The following RFC1 variants were observed in gnomAD, a reference collection of about 807,000 sequenced individuals.
RFC1 encodes replication factor C subunit 1.
In RFC1, 37 loss-of-function variants were observed where a neutral mutation model predicts 137.4. The ratio of observed to expected loss-of-function variants is 0.27; its 90% CI spans 0.21 to 0.35. RFC1 has a LOEUF of 0.35. Among genes scored for constraint, RFC1 ranks in the 10% least tolerant of loss-of-function variants. The pLI is 1.00. For synonymous variants in RFC1, 429 were observed against 455.7 expected (o/e 0.94, Z 0.75); for missense variants, 1,205 against 1,358.5 (o/e 0.89, Z 1.78).
At chr4:39,332,067 C>G (rs1462651759) in intron 4 of RFC1, among the ~76,000 whole-genome samples, 1 of 152,236 alleles carries the variant, frequency 6.6e-6, no homozygotes, top group African/African-American at 2.4e-5. Flanking sequence ...TGTCTGCCGA[C>G]ACTTGAGACG....
At chr4:39,314,694 G>A (rs1470247848) in intron 10 of RFC1, among the ~76,000 whole-genome samples, 3 of 152,108 alleles carry the variant, frequency 2.0e-5, no homozygotes, top group African/African-American at 4.8e-5. Flanking sequence ...CCTTAAGGCC[G>A]ACCTTCTCGC....
chr4:39,354,309 T>C (rs1412576472), intron 1 of RFC1, among the ~76,000 whole-genome samples: 2 of 152,180 alleles, frequency 1.3e-5, no homozygotes, highest in Admixed American at 1.3e-4. Flanking sequence ...AGGTCAGCAA[T>C]TTGTCCTTAA....
At chr4:39,312,223 A>G (rs1034457841) in intron 11 of RFC1, among the ~76,000 whole-genome samples, 1 of 152,214 alleles carries the variant, frequency 6.6e-6, no homozygotes, top group African/African-American at 2.4e-5. Flanking sequence ...TGAGGACAAA[A>G]GTTAACACAA....
chr4:39,304,745 G>T, intron 15 of RFC1, 69 bp downstream of exon 15: 1 of 920,722 alleles, frequency 1.1e-6, no homozygotes, highest in Non-Finnish European at 1.8e-6. Flanking sequence ...GTTCAATACT[G>T]GTTACTGAAC....
At chr4:39,355,751 A>C (rs4975008) in intron 1 of RFC1, 138,240 of 152,360 alleles carry the variant, frequency 0.91, 64,227 homozygotes, top group East Asian at 1. Flanking sequence ...CCCCTGTAAT[A>C]CCAGCACTTT....
chr4:39,292,002 GT>G, intron 22 of RFC1, 150 bp from the exon 23 acceptor site: 2 of 639,702 alleles, frequency 3.1e-6, no homozygotes, highest in Non-Finnish European at 5.6e-6. Flanking sequence ...AGCTGGTGTA[GT>G]TTAGAAAGCC....
chr4:39,304,403 T>C (rs539038698), intron 15 of RFC1, among the ~76,000 whole-genome samples: 2 of 152,320 alleles, frequency 1.3e-5, no homozygotes, highest in East Asian at 3.9e-4. Flanking sequence ...GCCCCAAGCA[T>C]AATTACTTCT....
intron 7 of RFC1, chr4:39,321,703 TAA>T (rs1321456786): frequency 5.8e-6 from 1 of 173,694 alleles, no homozygotes; most frequent in African/African-American, 2.4e-5. Flanking sequence ...AGTTAAAAAC[TAA>T]AATCTAAATT....
rs143918810 is a variant in RFC1 at position 39,294,799 on chromosome 4, T to C, written c.2954+815A>G. Among the ~76,000 whole-genome samples, 98 of 152,300 alleles carry C rather than the reference T, an allele frequency of 6.4e-4. 2 individuals are homozygous for C. In the East Asian group the frequency reaches 0.014, roughly 21 times the overall value. The stretch of plus-strand genomic sequence containing the variant: ...AGGCAGATTACTTGAGGACAGGAGT[T>C]CAAGACCAGCTTGGGCAACACGATG... On this transcript the variant is annotated intron_variant, in intron 22 of 24. Coordinates refer to ENST00000349703, the MANE Select transcript of RFC1 (RefSeq NM_002913.5).
At chr4:39,356,816 T>C (rs1017032504) in intron 1 of RFC1, among the ~76,000 whole-genome samples, 3 of 152,220 alleles carry the variant, frequency 2.0e-5, no homozygotes, top group African/African-American at 4.8e-5. Context: ...AGATTTATAA[T>C]TGATGTTACT....
intron 4 of RFC1, among the ~76,000 whole-genome samples, chr4:39,332,821 A>C (rs1740166111): frequency 6.6e-6 from 1 of 152,224 alleles, no homozygotes; most frequent in African/African-American, 2.4e-5. Context: ...TGGGAAGATT[A>C]AATTTTTCTT....
intron 8 of RFC1, among the ~76,000 whole-genome samples, chr4:39,321,025 T>A (rs1739493799): frequency 6.6e-6 from 1 of 152,178 alleles, no homozygotes; most frequent in African/African-American, 2.4e-5. Flanking sequence ...GAAATCCACA[T>A]ATTGCACTAT....
chr4:39,323,091 T>C (rs746570094), intron 7 of RFC1: 89 of 247,658 alleles, frequency 3.6e-4, no homozygotes, highest in Non-Finnish European at 6.1e-4. Flanking sequence ...TAAAATAAAA[T>C]ATAAAAAGAA....
chr4:39,331,974 C>T (rs946110568), intron 4 of RFC1, among the ~76,000 whole-genome samples: 22 of 152,058 alleles, frequency 1.4e-4, no homozygotes, highest in Non-Finnish European at 2.8e-4. Context: ...GTCTTTCCTG[C>T]GCTGTTCTCG....
intron 21 of RFC1, among the ~76,000 whole-genome samples, chr4:39,299,570 G>A (rs1314297955): frequency 7.5e-6 from 1 of 133,740 alleles, no homozygotes; most frequent in Non-Finnish European, 1.5e-5. Flanking sequence ...CCAAGATCAC[G>A]CCACGGCACT....
At chr4:39,362,984 A>G (rs1467090279) in intron 1 of RFC1, among the ~76,000 whole-genome samples, 3 of 152,234 alleles carry the variant, frequency 2.0e-5, no homozygotes, top group Admixed American at 2.0e-4. Flanking sequence ...TCCACATAGT[A>G]AACCATGATG....
intron 19 of RFC1, among the ~76,000 whole-genome samples, chr4:39,300,923 G>A (rs1196057677): frequency 2.6e-5 from 4 of 151,674 alleles, no homozygotes; most frequent in African/African-American, 9.7e-5. Flanking sequence ...GTAAAACCTC[G>A]TCTCTACTAA....
Position 39,304,922 on chromosome 4 carries a change from C to T in RFC1, c.2002G>A (p.Gly668Arg). The T allele has an allele frequency of 6.3e-7, 1 of 1,598,784 alleles. No individual in the cohort carries two copies. The highest frequency in any genetic ancestry group is 8.6e-7 in the Non-Finnish European group (1 of 1,166,306). ...GCATTCAGTTCCACGTAGCTGTATCCCAACTCCTAATCAAAATATTGGAAA... is the reference window on the plus strand; with the variant it reads ...GCATTCAGTTCCACGTAGCTGTATCTCAACTCCTAATCAAAATATTGGAAA... ...TTASLVCQEL[G>R]YSYVELNASD... is the part of the protein sequence containing the mutation. The change falls in exon 15 of 25, where the codon GGA (glycine) becomes AGA (arginine). Residue 668 changes from glycine to arginine, a missense_variant. Around this residue, in one of 3 missense-constraint regions of RFC1, gnomAD observed 962 missense variants for 1,035.3 expected, o/e 0.93. Coordinates refer to ENST00000349703, the MANE Select transcript of RFC1 (RefSeq NM_002913.5).
In RFC1 at chr4:39,350,782, A is replaced by G. The variant is rs960913711; in HGVS notation, c.132+566T>C. On this transcript the variant is annotated intron_variant, in intron 2 of 24. Coordinates refer to ENST00000349703, the MANE Select transcript of RFC1 (RefSeq NM_002913.5). ...AGAAAATGATATTAGACGAAAACTC[A>G]GATCTTCAGTGAGAAATGAAAAGCA... is the stretch of plus-strand genomic sequence containing the variant. Among the ~76,000 whole-genome samples the G allele has an allele frequency of 5.3e-5, 8 of 152,256 alleles. No individual in the cohort carries two copies. In the South Asian group the frequency reaches 1.7e-3, roughly 31 times the overall value.
Sources: allele counts gnomAD v4.1 joint callset (sites outside exome capture counted in the v4.1 genomes callset), GRCh38; gene constraint gnomAD v4.1.1; regional missense constraint gnomAD v4.1.1; transcripts MANE v1.5; gene names NCBI Gene and HGNC (gene_info 2026-07-23, HGNC 2026-07-21).